Variants in MARCHF11 observed in about 807,000 individuals in gnomAD.
MARCHF11 encodes the protein membrane associated ring-CH-type finger 11.
MARCHF11 carries 29 observed loss-of-function variants against 37.3 expected under a neutral mutation model. The observed-to-expected ratio is 0.78, with a 90% CI of 0.58 to 1.06. The LOEUF is 1.06. Among genes scored for constraint, MARCHF11 ranks in the 50% least tolerant of loss-of-function variants. The pLI, the probability that MARCHF11 is intolerant of heterozygous loss-of-function variation, is 0.00. For missense variants in MARCHF11, 482 were observed against 533.4 expected (o/e 0.90, Z 0.95); for synonymous variants, 233 against 228.0 (o/e 1.02, Z -0.20).
intron 2 of MARCHF11, among the ~76,000 whole-genome samples, chr5:16,132,036 A>G (rs1737525317): frequency 6.6e-6 from 1 of 152,222 alleles, no homozygotes; most frequent in African/African-American, 2.4e-5. Context: ...CGGGGGATTC[A>G]TTTCATCCCT....
At chr5:16,074,824 T>C (rs1430260659) in intron 3 of MARCHF11, among the ~76,000 whole-genome samples, 1 of 152,104 alleles carries the variant, frequency 6.6e-6, no homozygotes, top group South Asian at 2.1e-4. Flanking sequence ...CATGAAGAAA[T>C]GATTAGTGCA....
At chr5:16,135,021 C>A (rs946441628) in intron 2 of MARCHF11, among the ~76,000 whole-genome samples, 2 of 151,994 alleles carry the variant, frequency 1.3e-5, no homozygotes, top group African/African-American at 4.8e-5. Flanking sequence ...CACACACACA[C>A]ACACACATGC....
intron 2 of MARCHF11, among the ~76,000 whole-genome samples, chr5:16,147,423 C>T (rs1737817997): frequency 2.6e-5 from 4 of 152,096 alleles, no homozygotes; most frequent in Admixed American, 2.6e-4. Context: ...GGTTAAAATA[C>T]TGGCCCAAGG....
chr5:16,118,841 G>C (rs922301574), intron 2 of MARCHF11, among the ~76,000 whole-genome samples: 2 of 152,164 alleles, frequency 1.3e-5, no homozygotes, highest in Non-Finnish European at 2.9e-5. Flanking sequence ...GCTTGGAGTA[G>C]ACTGAGGAAG....
chr5:16,100,204 A>G (rs1245238473), intron 2 of MARCHF11, among the ~76,000 whole-genome samples: 1 of 152,114 alleles, frequency 6.6e-6, no homozygotes, highest in African/African-American at 2.4e-5. Flanking sequence ...CTGGGAGGAG[A>G]CAGCCTCTAG....
intron 3 of MARCHF11, among the ~76,000 whole-genome samples, chr5:16,085,088 C>CAAT (rs1736673282): frequency 6.6e-6 from 1 of 151,892 alleles, no homozygotes; most frequent in Non-Finnish European, 1.5e-5. Context: ...ATAACAGGAT[C>CAAT]AATACTTTAG....
At chr5:16,155,931 C>G (rs986547802) in intron 2 of MARCHF11, among the ~76,000 whole-genome samples, 1 of 151,880 alleles carries the variant, frequency 6.6e-6, no homozygotes. Flanking sequence ...GAGAAAACTC[C>G]CGAGCATACT....
At chr5:16,100,168 T>C (rs146760490) in intron 2 of MARCHF11, among the ~76,000 whole-genome samples, 26 of 152,230 alleles carry the variant, frequency 1.7e-4, no homozygotes, top group African/African-American at 6.0e-4. Context: ...AGAGAAATTT[T>C]CTTTCCCCAG....
intron 2 of MARCHF11, among the ~76,000 whole-genome samples, chr5:16,161,285 C>T (rs188755859): frequency 6.7e-6 from 1 of 149,654 alleles, no homozygotes; most frequent in East Asian, 2.0e-4. Context: ...ACAAGGCCTC[C>T]ATGGAGAGTA....
chr5:16,174,989 C>T (rs1738332255), intron 2 of MARCHF11, among the ~76,000 whole-genome samples: 1 of 152,198 alleles, frequency 6.6e-6, no homozygotes, highest in Non-Finnish European at 1.5e-5. Context: ...TTGTAATTTT[C>T]ACTTTCATGG....
At chr5:16,093,481 G>C (rs765504271) in intron 2 of MARCHF11, among the ~76,000 whole-genome samples, 1 of 152,092 alleles carries the variant, frequency 6.6e-6, no homozygotes, top group Non-Finnish European at 1.5e-5. Flanking sequence ...AGTGATGGTT[G>C]GATGCACTGG....
intron 2 of MARCHF11, among the ~76,000 whole-genome samples, chr5:16,174,449 G>A (rs183119035): frequency 6.6e-6 from 1 of 152,318 alleles, no homozygotes; most frequent in East Asian, 1.9e-4. Flanking sequence ...AAATTGGGAG[G>A]TTAGACTCCA....
intron 2 of MARCHF11, among the ~76,000 whole-genome samples, 187 bp downstream of exon 2, chr5:16,177,539 G>A (rs2126613593): frequency 6.6e-6 from 1 of 152,274 alleles, no homozygotes; most frequent in East Asian, 1.9e-4. Context: ...TGTCTTTTGA[G>A]TTTCTCAGAT....
chr5:16,170,799 A>C (rs2126609875), intron 2 of MARCHF11, among the ~76,000 whole-genome samples: 1 of 152,256 alleles, frequency 6.6e-6, no homozygotes, highest in East Asian at 1.9e-4. Flanking sequence ...CAGAAACTCT[A>C]AGCAAATTAA....
At chr5:16,154,359 T>A (rs1211358951) in intron 2 of MARCHF11, among the ~76,000 whole-genome samples, 1 of 152,016 alleles carries the variant, frequency 6.6e-6, no homozygotes, top group Non-Finnish European at 1.5e-5. Flanking sequence ...AGGCCACATT[T>A]ACATAAATTA....
intron 2 of MARCHF11, among the ~76,000 whole-genome samples, chr5:16,148,832 C>T (rs1193056526): frequency 6.6e-6 from 1 of 152,152 alleles, no homozygotes; most frequent in African/African-American, 2.4e-5. Context: ...GAGGGACAGA[C>T]AGGCATGCTC....
intron 2 of MARCHF11, among the ~76,000 whole-genome samples, chr5:16,176,575 T>C (rs1738369277): frequency 6.6e-6 from 1 of 152,204 alleles, no homozygotes; most frequent in Admixed American, 6.5e-5. Context: ...GAAATACATA[T>C]TTTCATTTTG....
chr5:16,178,379 T>C (rs1738400205), intron 1 of MARCHF11, among the ~76,000 whole-genome samples: 1 of 152,246 alleles, frequency 6.6e-6, no homozygotes, highest in South Asian at 2.1e-4. Context: ...CACCTAATCT[T>C]TTCTCAGACC....
intron 2 of MARCHF11, among the ~76,000 whole-genome samples, chr5:16,130,245 G>GGTAC (rs987118741): frequency 7.0e-6 from 1 of 142,252 alleles, no homozygotes; most frequent in South Asian, 2.2e-4. Context: ...GTAAATTCCA[G>GGTAC]GTACATACAC....
Sources: gnomAD v4.1 joint callset for allele counts (sites outside exome capture counted in the v4.1 genomes callset) on GRCh38, gnomAD v4.1.1 for gene constraint, MANE v1.5 for transcripts, NCBI Gene and HGNC (gene_info 2026-07-23, HGNC 2026-07-21) for gene names.